Variants in MYO16 observed in about 807,000 individuals in gnomAD.
MYO16 encodes the protein myosin XVI.
In MYO16, 94 loss-of-function variants were observed where a neutral mutation model predicts 205.3. That is an observed-to-expected ratio of 0.46 (90% confidence interval 0.39 to 0.54). The LOEUF (loss-of-function observed/expected upper bound fraction) is 0.54, where lower values mean the gene tolerates loss of function less well. Ranked by LOEUF, MYO16 falls within the 20% of genes least tolerant of loss-of-function variation. MYO16 has a pLI of 0.00. For synonymous variants in MYO16, 988 were observed against 954.0 expected (o/e 1.04, Z -0.66); for missense variants, 2,315 against 2,387.5 (o/e 0.97, Z 0.63).
At chr13:108,531,561 C>T in the MYO16 span, among the ~76,000 whole-genome samples, 1 of 151,576 alleles carries the variant, frequency 6.6e-6, no homozygotes, top group Admixed American at 6.6e-5. Flanking sequence ...GATGGGTGGA[C>T]GTACTCGTTA....
At chr13:108,808,095 A>G (rs1204797415) in intron 7 of MYO16, among the ~76,000 whole-genome samples, 1 of 152,146 alleles carries the variant, frequency 6.6e-6, no homozygotes, top group Non-Finnish European at 1.5e-5. Flanking sequence ...AGAAAAAATT[A>G]GATTCTGATT....
At chr13:108,539,360 A>G in the MYO16 span, among the ~76,000 whole-genome samples, 1 of 152,116 alleles carries the variant, frequency 6.6e-6, no homozygotes, top group South Asian at 2.1e-4. Flanking sequence ...TTGGTCAAAT[A>G]TCAATCTGCA....
chr13:108,554,631 C>T, the MYO16 span, among the ~76,000 whole-genome samples: 2 of 152,150 alleles, frequency 1.3e-5, no homozygotes, highest in South Asian at 2.1e-4. Context: ...GGGCGGATCA[C>T]GATGTCAGGA....
intron 27 of MYO16, among the ~76,000 whole-genome samples, chr13:109,064,283 A>G (rs1188877225): frequency 6.6e-6 from 1 of 152,190 alleles, no homozygotes; most frequent in African/African-American, 2.4e-5. Flanking sequence ...GCCTTAGACC[A>G]TAAAAGGGGT....
At chr13:108,962,357 A>G in intron 18 of MYO16, 67 bp from the exon 19 acceptor site, 1 of 1,308,464 alleles carries the variant, frequency 7.6e-7, no homozygotes, top group Non-Finnish European at 1.1e-6. Flanking sequence ...TTATGGCCAT[A>G]AAATTCAATG....
intron 16 of MYO16, among the ~76,000 whole-genome samples, chr13:108,936,093 CTT>C (rs1367924979): frequency 6.5e-4 from 13 of 20,144 alleles, no homozygotes; most frequent in East Asian, 3.7e-3. Context: ...AGTTTCCTTC[CTT>C]CCTTCCTTCC....
chr13:108,676,451 T>C (rs1468572162), intron 2 of MYO16, among the ~76,000 whole-genome samples: 4 of 151,430 alleles, frequency 2.6e-5, no homozygotes, highest in African/African-American at 7.3e-5. Flanking sequence ...TCTCATTTAA[T>C]CTGAAAAGAA....
intron 23 of MYO16, among the ~76,000 whole-genome samples, chr13:109,038,278 T>G (rs76908844): frequency 4.1e-3 from 624 of 152,262 alleles, no homozygotes; most frequent in African/African-American, 0.014. Flanking sequence ...TGGGAAGAGA[T>G]TAGCATTTGA....
intron 20 of MYO16, among the ~76,000 whole-genome samples, chr13:108,968,249 A>G (rs879762276): frequency 6.6e-6 from 1 of 152,050 alleles, no homozygotes; most frequent in Non-Finnish European, 1.5e-5. Flanking sequence ...TGGTCTTTCG[A>G]TGAGGGGGGG....
intron 24 of MYO16, chr13:109,048,201 G>GCT: frequency 2.3e-6 from 1 of 440,690 alleles, no homozygotes; most frequent in Non-Finnish European, 4.2e-6. Context: ...GTGTGTGTGT[G>GCT]TATTTAGAAT....
chr13:109,088,117 A>G (rs1344944899), intron 27 of MYO16, among the ~76,000 whole-genome samples: 1 of 152,188 alleles, frequency 6.6e-6, no homozygotes, highest in Non-Finnish European at 1.5e-5. Context: ...TGCGACCATT[A>G]TTTCAGCTCC....
At chr13:108,735,873 T>G (rs1232776400) in intron 4 of MYO16, among the ~76,000 whole-genome samples, 2 of 152,124 alleles carry the variant, frequency 1.3e-5, no homozygotes, top group African/African-American at 4.8e-5. Context: ...TGGTTTTGAT[T>G]TGCATTTCTC....
At chr13:108,522,784 GTC>G in the MYO16 span, among the ~76,000 whole-genome samples, 1 of 151,520 alleles carries the variant, frequency 6.6e-6, no homozygotes, top group Non-Finnish European at 1.5e-5. Context: ...GTGTGTGTGT[GTC>G]TGTGTGTCTG....
chr13:108,608,012 A>G (rs112145572), intron 1 of MYO16, among the ~76,000 whole-genome samples: 2,673 of 152,284 alleles, frequency 0.018, 37 homozygotes, highest in Non-Finnish European at 0.028. Flanking sequence ...AGGCAGTGTA[A>G]ACATCATCAA....
chr13:108,564,758 T>C, the MYO16 span, among the ~76,000 whole-genome samples: 1 of 152,144 alleles, frequency 6.6e-6, no homozygotes, highest in Non-Finnish European at 1.5e-5. Context: ...TCCCCAGTGT[T>C]TTATTTTGGT....
chr13:108,986,757 T>C (rs1884652541), intron 20 of MYO16, among the ~76,000 whole-genome samples: 5 of 152,072 alleles, frequency 3.3e-5, no homozygotes, highest in Admixed American at 2.6e-4. Flanking sequence ...GATGAACTGC[T>C]CACTTTCTTA....
chr13:108,886,773 G>T (rs201308720), intron 13 of MYO16, among the ~76,000 whole-genome samples: 1 of 152,122 alleles, frequency 6.6e-6, no homozygotes, highest in Non-Finnish European at 1.5e-5. Context: ...GCGGGTCGGA[G>T]CTTCTCGGGG....
At chr13:109,069,586 A>G (rs1263271006) in intron 27 of MYO16, among the ~76,000 whole-genome samples, 1 of 296 alleles carries the variant, frequency 3.4e-3, no homozygotes, top group Admixed American at 0.071. Context: ...CCTCAGTTGT[A>G]GAGGGGCTCT....
At chr13:108,917,262 C>T (rs999318263) in intron 16 of MYO16, among the ~76,000 whole-genome samples, 10 of 152,322 alleles carry the variant, frequency 6.6e-5, no homozygotes, top group African/African-American at 1.7e-4. Flanking sequence ...AGGCCCATCC[C>T]GGGCCCCTAA....
Sources: gnomAD v4.1 joint callset for allele counts (sites outside exome capture counted in the v4.1 genomes callset) on GRCh38, gnomAD v4.1.1 for gene constraint, MANE v1.5 for transcripts, NCBI Gene and HGNC (gene_info 2026-07-23, HGNC 2026-07-21) for gene names.